Variants in F5 observed in about 807,000 individuals in gnomAD.
F5 encodes coagulation factor V.
Under a neutral mutation model 216.4 loss-of-function variants are expected in F5, and 138 were observed. The ratio of observed to expected loss-of-function variants is 0.64; its 90% CI spans 0.56 to 0.73. The LOEUF (loss-of-function observed/expected upper bound fraction) is 0.73, where lower values mean the gene tolerates loss of function less well. Among genes scored for constraint, F5 ranks in the 30% least tolerant of loss-of-function variants. F5 has a pLI of 0.00. For synonymous variants in F5, 916 were observed against 930.7 expected, an observed-to-expected ratio of 0.98 and a Z score of 0.29; for missense variants, 2,403 against 2,674.0, an observed-to-expected ratio of 0.90 and a Z score of 2.24.
Position 169,520,582 on chromosome 1 carries a change from G to C in F5, c.6131C>G (p.Ser2044Cys), listed in dbSNP as rs1431335069. Residue 2044 changes from serine (S) to cysteine (C), a missense_variant, in exon 22 of 25, where the codon TCT becomes TGT. Ser to Cys is a moderately radical substitution (Grantham distance 112). This residue lies in a region of F5 where 659 missense variants were observed against 787.9 expected (regional missense o/e 0.84). Coordinates refer to ENST00000367797, the MANE Select transcript of F5 (RefSeq NM_000130.5). ...AGGTCTGTTATAGGCTCGAGTTGGA[G>C]AGATCCTAATATATCTAGCCACAAT... ...PPIVARYIRI[S>C]PTRAYNRPTL... 6.2e-7 allele frequency: 1 copy of C among 1,613,948 alleles called. No homozygotes were observed. The highest frequency in any genetic ancestry group is 8.5e-7 in the Non-Finnish European group (1 of 1,179,916).
At chr1:169,577,516 G>C (rs532511117) in intron 2 of F5, among the ~76,000 whole-genome samples, 1 of 132,986 alleles carries the variant, frequency 7.5e-6, no homozygotes, top group Admixed American at 8.3e-5. Flanking sequence ...AGCCTCCCCA[G>C]TAGCTGAAAT....
chr1:169,536,504 A>G lies in F5; in HGVS notation c.4971+2T>C. 1.2e-6 allele frequency: 2 copies of G among 1,612,836 alleles called. No homozygotes were observed. The highest frequency in any genetic ancestry group is 8.5e-7 in the Non-Finnish European group (1 of 1,179,084). On this transcript the variant is annotated splice_donor_variant, in intron 14 of 24. Coordinates refer to ENST00000367797, the MANE Select transcript of F5 (RefSeq NM_000130.5). LOFTEE classifies it high-confidence loss of function. ...GATCTTAGCAGTGCTCAAAAGACTT[A>G]CTTGGATAACATCATCCACTTCAGC...
In F5 at chr1:169,529,677, A is replaced by G; in HGVS notation, c.5350T>C (p.Tyr1784His). Residue 1784 changes from tyrosine (Y) to histidine (H), a missense_variant, in exon 16 of 25, where the codon TAT (tyrosine) becomes CAT (histidine). Coordinates refer to ENST00000367797, the MANE Select transcript of F5 (RefSeq NM_000130.5). The stretch of plus-strand genomic sequence containing the variant: ...CAAGAACTTCGGGACTTCTTTTCAT[A>G]GTACCAGCTCTTCTTTTCATCAAAG... ...MTFDEKKSWY[Y>H]EKKSRSSWRL... is the part of the protein sequence containing the mutation. 1 of 1,613,884 alleles carries G rather than the reference A, an allele frequency of 6.2e-7. No homozygotes were observed. Among genetic ancestry groups the G allele is most frequent in the East Asian group, 2.2e-5 (1 of 44,872 alleles).
At chr1:169,528,995 T>C (rs1335626965) in intron 16 of F5, among the ~76,000 whole-genome samples, 1 of 152,204 alleles carries the variant, frequency 6.6e-6, no homozygotes, top group African/African-American at 2.4e-5. Flanking sequence ...CTTTCTCTTC[T>C]CAGTTTCTGT....
rs1260628417 is a variant in F5 at position 169,512,901 on chromosome 1, G to A, written c.*1412C>T. On this transcript the variant is annotated 3_prime_UTR_variant, in exon 25 of 25. Transcript: ENST00000367797. ...GAATCGAGACTGGCCTGTAATTTGTGTTCACAACGAATAGAATGCAGCAAA... is the reference window on the plus strand; with the variant it reads ...GAATCGAGACTGGCCTGTAATTTGTATTCACAACGAATAGAATGCAGCAAA... 6.6e-6 allele frequency among the ~76,000 whole-genome samples: 1 copy of A among 152,024 alleles called. No individual in the cohort carries two copies. The highest frequency in any genetic ancestry group is 1.5e-5 in the Non-Finnish European group (1 of 67,976).
intron 8 of F5, among the ~76,000 whole-genome samples, chr1:169,551,126 C>T (rs10158595): frequency 0.24 from 35,901 of 151,976 alleles, 4,337 homozygotes; most frequent in Admixed American, 0.34. Context: ...TTCCCCTGCC[C>T]GGTAGATTTT....
At position 169,540,784 on chromosome 1, in the gene F5, C is replaced by T. The variant is rs201279941; in HGVS notation, c.4306G>A (p.Val1436Met). 2 of 1,613,740 alleles carry T rather than the reference C, an allele frequency of 1.2e-6. No individual in the cohort carries two copies. The highest frequency in any genetic ancestry group is 1.7e-6 in the Non-Finnish European group (2 of 1,179,906). Residue 1436 changes from valine (V) to methionine (M), a missense_variant, in exon 13 of 25, where the codon GTG (valine) becomes ATG (methionine). Physicochemically the swap from Val to Met is conservative, Grantham distance 21 (BLOSUM62 1). This residue lies in a region of F5 where 293 missense variants were observed against 270.8 expected (regional missense o/e 1.08). Transcript: ENST00000367797. ...QMSLSPDLSQ[V>M]TLSPDISDTT... Reference sequence around the variant, plus strand: ...TCACTGATGTCTGGAGAGAGAGTCACCTGGCTGAGGTCTGGGGAAAGGGAC... The same window carrying T: ...TCACTGATGTCTGGAGAGAGAGTCATCTGGCTGAGGTCTGGGGAAAGGGAC...
chr1:169,559,538 C>A (rs1352422532), intron 4 of F5, among the ~76,000 whole-genome samples: 2 of 152,124 alleles, frequency 1.3e-5, no homozygotes, highest in East Asian at 3.9e-4. Context: ...TTTCATCCAG[C>A]TTGGGAAGAA....
Position 169,541,578 on chromosome 1 carries a change from C to T in F5, c.3512G>A (p.Ser1171Asn), listed in dbSNP as rs778358721. The change falls in exon 13 of 25, where the codon AGT becomes AAT. Residue 1171 changes from serine to asparagine, a missense_variant. By Grantham distance (46) the Ser-to-Asn change is conservative. Around this residue, in one of 4 missense-constraint regions of F5, gnomAD observed 1,425 missense variants for 1,554.8 expected, o/e 0.92. Transcript: ENST00000367797. ...ATGTTCTGAGGAAGGGGACATTTGACTTATATCTGTGGGGAAGGACTTGTG... is the reference window on the plus strand; with the variant it reads ...ATGTTCTGAGGAAGGGGACATTTGATTTATATCTGTGGGGAAGGACTTGTG... ...RSHKSFPTDI[S>N]QMSPSSEHEV... 2 of 1,614,090 alleles carry T rather than the reference C, an allele frequency of 1.2e-6. No individual in the cohort carries two copies. Among genetic ancestry groups the T allele is most frequent in the South Asian group, 2.2e-5 (2 of 91,086 alleles).
At chr1:169,529,897 A>AGTTTCCTTTTCT in intron 15 of F5, 79 bp from the exon 16 acceptor site, 1 of 1,210,696 alleles carries the variant, frequency 8.3e-7, no homozygotes, top group Non-Finnish European at 1.2e-6. Context: ...TCATATAGAA[A>AGTTTCCTTTTCT]AGGAAACTTT....
rs373473212 is a variant in F5, at chr1:169,542,775, A to G, written c.2315T>C (p.Ile772Thr). The change falls in exon 13 of 25, where the codon ATT becomes ACT. Residue 772 changes from isoleucine (I) to threonine (T), a missense_variant. Physicochemically the swap from Ile to Thr is moderately conservative, Grantham distance 89 (BLOSUM62 -1). This residue lies in a region of F5 where 1,425 missense variants were observed against 1,554.8 expected (regional missense o/e 0.92). Coordinates refer to ENST00000367797, the MANE Select transcript of F5 (RefSeq NM_000130.5). ...TEFVSSNTDI[I>T]VGSNYSSPSN... is the part of the protein sequence containing the mutation. ...TGGGGAAGAATAATTTGAACCAACA[A>G]TTATATCTGTGTTTGAAGAAACGAA... 72 of 1,614,040 alleles carry G rather than the reference A, an allele frequency of 4.5e-5. No homozygotes were observed. The highest frequency in any genetic ancestry group is 5.5e-5 in the Non-Finnish European group (65 of 1,180,010).
chr1:169,523,425 A>T, intron 20 of F5, 73 bp from the exon 21 acceptor site: 1 of 1,563,952 alleles, frequency 6.4e-7, no homozygotes, highest in Non-Finnish European at 8.8e-7. Context: ...TTCATTATAC[A>T]ATCAGCTTTC....
In F5 at chr1:169,583,648, T is replaced by A. The variant is rs376673981; in HGVS notation, c.159-1126A>T. Among the ~76,000 whole-genome samples, 5 of 152,230 alleles carry A rather than the reference T, an allele frequency of 3.3e-5. No homozygotes were observed. In the South Asian group the frequency reaches 6.2e-4, roughly 19 times the overall value. On this transcript the variant is annotated intron_variant, in intron 1 of 24. Transcript: ENST00000367797. Reference sequence around the variant, plus strand: ...GAGCTGGCACACTAGAAATACTCAATCCATGTTAGCTAGTAATATTATTTT... The same window carrying A: ...GAGCTGGCACACTAGAAATACTCAAACCATGTTAGCTAGTAATATTATTTT...
At position 169,550,833 on chromosome 1, in the gene F5, G is replaced by A. The variant is rs1660151574; in HGVS notation, c.1297-94C>T. 4.3e-6 allele frequency: 4 copies of A among 923,620 alleles called. No individual in the cohort carries two copies. The East Asian group carries it at 1.0e-4, about 24-fold the overall frequency. 57.2% of individuals were successfully genotyped at this position (923,620 alleles called of 1,614,324 possible). On this transcript the variant is annotated intron_variant, in intron 8 of 24. Coordinates refer to ENST00000367797, the MANE Select transcript of F5 (RefSeq NM_000130.5). ...TTTGCATATTCACCTTTTGGATGGT[G>A]TGTGTGTATACATGTGTACACACAG... is the stretch of plus-strand genomic sequence containing the variant.
chr1:169,518,306 C>T, intron 23 of F5, 106 bp downstream of exon 23: 1 of 1,372,698 alleles, frequency 7.3e-7, no homozygotes, highest in South Asian at 1.2e-5. Flanking sequence ...TCTGCAGAAA[C>T]AGATTAAAAT....
Position 169,586,431 on chromosome 1 carries a change from G to C in F5, c.-45C>G. 6.3e-7 allele frequency: 1 copy of C among 1,592,568 alleles called. No homozygotes were observed. The highest frequency in any genetic ancestry group is 8.5e-7 in the Non-Finnish European group (1 of 1,173,348). On this transcript the variant is annotated 5_prime_UTR_variant, in exon 1 of 25. Transcript: ENST00000367797. ...CTGGCTGCCACCACCCCAGGACCTG[G>C]GCAGCGCTTGCCGAGCTGCTAACCA...
intron 9 of F5, 88 bp from the exon 10 acceptor site, chr1:169,550,103 T>A: frequency 9.7e-7 from 1 of 1,028,576 alleles, no homozygotes; most frequent in Non-Finnish European, 1.5e-6. Context: ...TGGAACCAAT[T>A]AATATTGCAA....
At chr1:169,549,449 A>G (rs1330089060) in intron 10 of F5, among the ~76,000 whole-genome samples, 2 of 152,186 alleles carry the variant, frequency 1.3e-5, no homozygotes, top group Non-Finnish European at 2.9e-5. Flanking sequence ...GAACCCCCAA[A>G]CAGACCTGTA....
chr1:169,572,430 A>G, intron 2 of F5, 87 bp from the exon 3 acceptor site: 4 of 1,498,008 alleles, frequency 2.7e-6, no homozygotes, highest in Non-Finnish European at 3.7e-6. Context: ...AGATGATACC[A>G]AGAGTGATTG....
Sources: gnomAD v4.1 joint callset for allele counts (sites outside exome capture counted in the v4.1 genomes callset) on GRCh38, gnomAD v4.1.1 for gene constraint, gnomAD v4.1.1 regional missense constraint, MANE v1.5 for transcripts, NCBI Gene and HGNC (gene_info 2026-07-23, HGNC 2026-07-21) for gene names.